CSMD1: variants seen among roughly 807,000 people sequenced by gnomAD.
CSMD1 encodes the protein CUB and Sushi multiple domains 1.
A neutral mutation model predicts 417.5 loss-of-function variants in CSMD1; 213 were observed. That is an observed-to-expected ratio of 0.51 (90% CI 0.46 to 0.57). The LOEUF is 0.57. Ranked by LOEUF, CSMD1 falls within the 20% of genes least tolerant of loss-of-function variation. The pLI, the probability that CSMD1 is intolerant of heterozygous loss-of-function variation, is 0.00. For missense variants in CSMD1, 6,923 were observed against 4,529.7 expected (o/e 1.53, Z -15.17); for synonymous variants, 2,862 against 1,736.8 (o/e 1.65, Z -16.11).
At chr8:4,202,013 G>C (rs970432932) in intron 3 of CSMD1, among the ~76,000 whole-genome samples, 2 of 152,056 alleles carry the variant, frequency 1.3e-5, no homozygotes, top group African/African-American at 4.8e-5. Flanking sequence ...CTCTGGATGA[G>C]AAGAAACGAG....
chr8:3,355,359 T>C (rs1207310230), intron 21 of CSMD1, among the ~76,000 whole-genome samples: 1 of 152,216 alleles, frequency 6.6e-6, no homozygotes, highest in Non-Finnish European at 1.5e-5. Flanking sequence ...CTCCATCATA[T>C]ATACTCTCTA....
intron 3 of CSMD1, among the ~76,000 whole-genome samples, chr8:4,303,443 T>TTTTG: frequency 2.6e-5 from 1 of 38,320 alleles, no homozygotes; most frequent in Non-Finnish European, 4.7e-5. Flanking sequence ...TTTTTTTTTT[T>TTTTG]TTTTTTTTTT....
intron 10 of CSMD1, among the ~76,000 whole-genome samples, chr8:3,499,561 G>C (rs912822933): frequency 6.6e-6 from 1 of 152,118 alleles, no homozygotes; most frequent in African/African-American, 2.4e-5. Context: ...TCTCCTGCAA[G>C]AGGCATATAT....
At chr8:4,297,826 C>A (rs968817686) in intron 3 of CSMD1, among the ~76,000 whole-genome samples, 3 of 152,096 alleles carry the variant, frequency 2.0e-5, no homozygotes, top group African/African-American at 7.2e-5. Context: ...AATTTGATTT[C>A]TGAATATGCC....
At chr8:3,941,772 C>T (rs1310135705) in intron 5 of CSMD1, among the ~76,000 whole-genome samples, 1 of 152,124 alleles carries the variant, frequency 6.6e-6, no homozygotes, top group Admixed American at 6.5e-5. Flanking sequence ...ACACACAATT[C>T]TTTGATTCCA....
chr8:4,047,724 C>T (rs898625234), intron 3 of CSMD1, among the ~76,000 whole-genome samples: 5 of 151,564 alleles, frequency 3.3e-5, no homozygotes, highest in East Asian at 1.9e-4. Flanking sequence ...ATTTTAAATG[C>T]TATGGAGAAA....
chr8:4,505,060 G>A (rs1585176687), intron 2 of CSMD1, among the ~76,000 whole-genome samples: 1 of 152,266 alleles, frequency 6.6e-6, no homozygotes, highest in East Asian at 1.9e-4. Context: ...CTGCCACACT[G>A]TCTTCCACAA....
At chr8:3,067,712 C>T (rs912434659) in intron 49 of CSMD1, among the ~76,000 whole-genome samples, 82 of 150,926 alleles carry the variant, frequency 5.4e-4, no homozygotes, top group African/African-American at 1.7e-3. Context: ...ATACAATAAA[C>T]GAGTGGTTTT....
At chr8:4,850,915 CT>C (rs539173376) in intron 1 of CSMD1, among the ~76,000 whole-genome samples, 12,351 of 147,480 alleles carry the variant, frequency 0.084, 670 homozygotes, top group African/African-American at 0.15. Context: ...TGCCCCCCCA[CT>C]TTTTGTGGTT....
At chr8:4,248,921 C>T (rs549593604) in intron 3 of CSMD1, among the ~76,000 whole-genome samples, 2 of 152,278 alleles carry the variant, frequency 1.3e-5, no homozygotes, top group South Asian at 4.1e-4. Context: ...TTGAGAATGC[C>T]TATTTAATGC....
intron 2 of CSMD1, among the ~76,000 whole-genome samples, chr8:4,534,060 C>CA (rs1796973134): frequency 6.6e-6 from 1 of 151,982 alleles, no homozygotes; most frequent in African/African-American, 2.4e-5. Context: ...GTAATTCAGG[C>CA]ATATGTAAGG....
chr8:3,893,339 T>TATATATATATATATATATATATATATA (rs1807113679), intron 5 of CSMD1, among the ~76,000 whole-genome samples: 4 of 80,440 alleles, frequency 5.0e-5, no homozygotes, highest in Admixed American at 1.7e-4. Flanking sequence ...ATTCACAATT[T>TATATATATATATATATATATATATATA]TATATATATA....
intron 3 of CSMD1, among the ~76,000 whole-genome samples, chr8:4,325,849 C>T (rs531850358): frequency 6.6e-6 from 1 of 152,082 alleles, no homozygotes; most frequent in South Asian, 2.1e-4. Context: ...GCTTATTCCA[C>T]CTGATGGCTG....
intron 5 of CSMD1, among the ~76,000 whole-genome samples, chr8:3,772,623 A>G (rs1168605913): frequency 7.8e-6 from 1 of 128,378 alleles, no homozygotes; most frequent in African/African-American, 3.3e-5. Context: ...ATATACATAT[A>G]TACACATATA....
intron 1 of CSMD1, among the ~76,000 whole-genome samples, chr8:4,944,167 G>A (rs556092066): frequency 6.6e-6 from 1 of 152,184 alleles, no homozygotes; most frequent in East Asian, 1.9e-4. Context: ...TCATGAAAGA[G>A]AAAAAATCCA....
At chr8:4,274,887 G>T (rs1453750900) in intron 3 of CSMD1, among the ~76,000 whole-genome samples, 1 of 152,078 alleles carries the variant, frequency 6.6e-6, no homozygotes, top group African/African-American at 2.4e-5. Flanking sequence ...CAAAAGGTTT[G>T]CTCACAGATA....
chr8:4,467,972 G>C (rs1400396188), intron 2 of CSMD1, among the ~76,000 whole-genome samples: 1 of 152,298 alleles, frequency 6.6e-6, no homozygotes, highest in Non-Finnish European at 1.5e-5. Flanking sequence ...TACAAGGCTT[G>C]ACTAAGGACC....
rs1372698077 is a variant in CSMD1, at chr8:2,979,863, G to A, written c.8378-1063C>T. On this transcript the variant is annotated intron_variant, in intron 54 of 69. Coordinates refer to ENST00000635120, the MANE Select transcript of CSMD1 (RefSeq NM_033225.6). ...AACAAAAAGCCATGTGTGAAGTTCG[G>A]GCAAATAATTTTTAAGGCATGTACA... 2.0e-5 allele frequency among the ~76,000 whole-genome samples: 3 copies of A among 152,278 alleles called. No homozygotes were observed. In the East Asian group the frequency reaches 5.8e-4, roughly 29 times the overall value.
chr8:3,505,323 G>C (rs916191535), intron 10 of CSMD1, among the ~76,000 whole-genome samples: 5 of 152,132 alleles, frequency 3.3e-5, no homozygotes, highest in African/African-American at 9.7e-5. Flanking sequence ...CTGAAACTTT[G>C]AAGGAGCAAA....
Sources: gnomAD v4.1 joint callset for allele counts (sites outside exome capture counted in the v4.1 genomes callset) on GRCh38, gnomAD v4.1.1 for gene constraint, MANE v1.5 for transcripts, NCBI Gene and HGNC (gene_info 2026-07-23, HGNC 2026-07-21) for gene names.